TESC: variants seen among roughly 807,000 people sequenced by gnomAD.
TESC encodes tescalcin.
A neutral mutation model predicts 31.0 loss-of-function variants in TESC; 19 were observed. The observed-to-expected ratio is 0.61, with a 90% CI of 0.43 to 0.90. The LOEUF (loss-of-function observed/expected upper bound fraction) is 0.90, where lower values mean the gene tolerates loss of function less well. TESC is among the 40% of genes least tolerant of loss of function. The pLI, the probability that TESC is intolerant of heterozygous loss-of-function variation, is 0.00. For missense variants in TESC, 248 were observed against 303.8 expected (o/e 0.82, Z 1.36); for synonymous variants, 109 against 114.8 (o/e 0.95, Z 0.32).
chr12:117,054,453 T>A (rs1373412238), intron 3 of TESC, among the ~76,000 whole-genome samples: 1 of 152,030 alleles, frequency 6.6e-6, no homozygotes, highest in Non-Finnish European at 1.5e-5. Flanking sequence ...TCCAGCTGGG[T>A]CTGCCTCTCA....
At position 117,099,256 on chromosome 12, in the gene TESC, C is replaced by T; in HGVS notation, c.27G>A (p.Glu9=). ...TCTTGCCCTCGAGCTCCCGCACCTC[C>T]TCAGACGCGGAGTGGGCAGCGCCCA... MGAAHSAS[E]EVRELEGKTG... Residue 9 remains glutamate, a synonymous_variant, in exon 1 of 8, where the codon GAG becomes GAA. Transcript: ENST00000335209. 1 of 1,471,874 alleles carries T rather than the reference C, an allele frequency of 6.8e-7. No individual in the cohort carries two copies. Among genetic ancestry groups the T allele is most frequent in the South Asian group, 1.3e-5 (1 of 77,840 alleles). 91.2% of individuals were successfully genotyped at this position (1,471,874 alleles called of 1,614,324 possible).
chr12:117,056,859 G>T lies in TESC; in HGVS notation c.156C>A (p.Asp52Glu), dbSNP rs1565963233. The T allele has an allele frequency of 6.2e-7, 1 of 1,614,178 alleles. No homozygotes were observed. Among genetic ancestry groups the T allele is most frequent in the Admixed American group, 1.7e-5 (1 of 60,030 alleles). Residue 52 changes from aspartate (D) to glutamate (E), a missense_variant, in exon 3 of 8, where the codon GAC (aspartate) becomes GAA (glutamate). Physicochemically the swap from Asp to Glu is conservative, Grantham distance 45. Coordinates refer to ENST00000335209, the MANE Select transcript of TESC (RefSeq NM_017899.4). ...TGGATCGGATGGGGTTGAGCTCCAG[G>T]TCCGGGACATTGTTGAAGTTCTCCT... ...IRKENFNNVP[D>E]LELNPIRSKI...
chr12:117,075,847 GTA>G (rs57455838), intron 1 of TESC, among the ~76,000 whole-genome samples: 40,949 of 66,496 alleles, frequency 0.62, 12,559 homozygotes, highest in East Asian at 0.83. Context: ...GTGTGTGTGT[GTA>G]TATATATATA....
chr12:117,087,074 A>G (rs1955227913), intron 1 of TESC, among the ~76,000 whole-genome samples: 1 of 152,216 alleles, frequency 6.6e-6, no homozygotes, highest in Admixed American at 6.5e-5. Context: ...TGGCACACGC[A>G]GGGCACTTCA....
intron 2 of TESC, among the ~76,000 whole-genome samples, chr12:117,064,247 A>G (rs1049187988): frequency 6.6e-6 from 1 of 152,254 alleles, no homozygotes; most frequent in Non-Finnish European, 1.5e-5. Context: ...TGAATGCGTG[A>G]GAACTGCTGG....
intron 2 of TESC, among the ~76,000 whole-genome samples, chr12:117,059,849 C>T (rs868834125): frequency 2.8e-4 from 42 of 152,248 alleles, no homozygotes; most frequent in Middle Eastern, 3.4e-3. Context: ...ACCTCAGCCT[C>T]CCAAAGTGCT....
intron 6 of TESC, among the ~76,000 whole-genome samples, chr12:117,045,240 C>T (rs1420846356): frequency 6.6e-6 from 1 of 152,230 alleles, no homozygotes; most frequent in East Asian, 1.9e-4. Flanking sequence ...CTCATGGGGG[C>T]CCGTAGGCAG....
intron 1 of TESC, 94 bp downstream of exon 1, chr12:117,099,130 CA>C: frequency 7.4e-7 from 1 of 1,346,920 alleles, no homozygotes; most frequent in Non-Finnish European, 9.7e-7. Context: ...GCCACTGGCC[CA>C]AGGTCACACA....
chr12:117,068,036 T>C (rs1254032550), intron 2 of TESC, among the ~76,000 whole-genome samples: 1 of 152,154 alleles, frequency 6.6e-6, no homozygotes, highest in African/African-American at 2.4e-5. Context: ...GGACCACAGG[T>C]GCATGCCACC....
intron 7 of TESC, among the ~76,000 whole-genome samples, chr12:117,039,417 G>T (rs746667574): frequency 6.6e-6 from 1 of 152,158 alleles, no homozygotes; most frequent in Non-Finnish European, 1.5e-5. Flanking sequence ...TGGTTAATTT[G>T]GCTCTGACAT....
intron 1 of TESC, among the ~76,000 whole-genome samples, chr12:117,080,148 TG>T (rs2135791253): frequency 6.6e-6 from 1 of 152,212 alleles, no homozygotes; most frequent in Admixed American, 6.5e-5. Flanking sequence ...GGTTATCTAA[TG>T]AAGAGTTTCC....
intron 1 of TESC, among the ~76,000 whole-genome samples, chr12:117,088,697 T>A (rs972893539): frequency 9.4e-4 from 113 of 120,024 alleles, no homozygotes; most frequent in Middle Eastern, 4.1e-3. Context: ...AAAAAAAAAA[T>A]GTACAAGGCT....
chr12:117,080,451 G>GA (rs931403059), intron 1 of TESC, among the ~76,000 whole-genome samples: 4 of 151,150 alleles, frequency 2.6e-5, no homozygotes, highest in South Asian at 2.1e-4. Context: ...CTGGGTGATG[G>GA]AAAAAAAAAG....
Position 117,099,250 on chromosome 12 carries a change from C to T in TESC, c.33G>A (p.Val11=). MGAAHSASEE[V]RELEGKTGFS... is the part of the protein sequence containing the mutation. ...AGCCGGTCTTGCCCTCGAGCTCCCG[C>T]ACCTCCTCAGACGCGGAGTGGGCAG... Residue 11 remains valine (V), a synonymous_variant, in exon 1 of 8, where the codon GTG becomes GTA. Transcript: ENST00000335209. The T allele has an allele frequency of 6.8e-7, 1 of 1,475,096 alleles. No homozygotes were observed. Among genetic ancestry groups the T allele is most frequent in the African/African-American group, 1.5e-5 (1 of 68,086 alleles). 91.4% of individuals were successfully genotyped at this position (1,475,096 alleles called of 1,614,324 possible).
chr12:117,098,267 C>G (rs1297976213), intron 1 of TESC: 1 of 152,326 alleles, frequency 6.6e-6, no homozygotes, highest in African/African-American at 2.4e-5. Flanking sequence ...AGAACTCTTA[C>G]AACAGAGAAG....
intron 2 of TESC, among the ~76,000 whole-genome samples, chr12:117,065,706 T>C (rs1954869161): frequency 6.6e-6 from 1 of 151,960 alleles, no homozygotes; most frequent in Admixed American, 6.6e-5. Flanking sequence ...CTTGGCAACA[T>C]GGCAAGACCC....
chr12:117,091,642 C>T lies in TESC; in HGVS notation c.58+7583G>A, dbSNP rs1406104809. ...ACAGACCTGAGCCACCCAGTGAGAC[C>T]CTAGGAAACAGAGGGGGCGGCACCC... On this transcript the variant is annotated intron_variant, in intron 1 of 7. Transcript: ENST00000335209. Among the ~76,000 whole-genome samples the T allele has an allele frequency of 2.6e-5, 4 of 152,282 alleles. No individual in the cohort carries two copies. The East Asian group carries it at 7.7e-4, about 29-fold the overall frequency.
chr12:117,062,479 C>T (rs1003987874), intron 2 of TESC, among the ~76,000 whole-genome samples: 1 of 152,186 alleles, frequency 6.6e-6, no homozygotes, highest in Non-Finnish European at 1.5e-5. Flanking sequence ...TCCTCAGCCT[C>T]CCAAAGTGCT....
chr12:117,051,165 T>C (rs1592996572), intron 3 of TESC, among the ~76,000 whole-genome samples: 2 of 152,224 alleles, frequency 1.3e-5, no homozygotes, highest in East Asian at 3.8e-4. Context: ...GATATGTTAC[T>C]TGGGTCCCAC....
Sources: gnomAD v4.1 joint callset for allele counts (sites outside exome capture counted in the v4.1 genomes callset) on GRCh38, gnomAD v4.1.1 for gene constraint, MANE v1.5 for transcripts, NCBI Gene and HGNC (gene_info 2026-07-23, HGNC 2026-07-21) for gene names.